RHPN2: variants seen among roughly 807,000 people sequenced by gnomAD.
RHPN2 encodes rhophilin-2.
A neutral mutation model predicts 79.0 loss-of-function variants in RHPN2; 40 were observed. The observed-to-expected ratio is 0.51, with a 90% CI of 0.39 to 0.66. The LOEUF (loss-of-function observed/expected upper bound fraction) is 0.66. RHPN2 is among the 30% of genes least tolerant of loss of function. The pLI is 0.00. For synonymous variants in RHPN2, 285 were observed against 363.5 expected (o/e 0.78, Z 2.46); for missense variants, 686 against 883.5 (o/e 0.78, Z 2.83).
chr19:32,983,512 C>CAA lies in RHPN2; in HGVS notation c.1801-3258_1801-3257dup, dbSNP rs765955793. Among the ~76,000 whole-genome samples the CAA allele has an allele frequency of 5.1e-5, 7 of 137,050 alleles. No homozygotes were observed. The East Asian group carries it at 6.5e-4, about 13-fold the overall frequency. 89.9% of individuals were successfully genotyped at this position (137,050 alleles called of 152,430 possible). Reference sequence around the variant, plus strand: ...CCTGGGTGACAGAACGAGACTGTCTCAAAAAAAAAAAAGTAAAGCCTTTCT... The same window carrying CAA: ...CCTGGGTGACAGAACGAGACTGTCTCAAAAAAAAAAAAAAGTAAAGCCTTTCT... On this transcript the variant is annotated intron_variant, in intron 14 of 14. Coordinates refer to ENST00000254260, the MANE Select transcript of RHPN2 (RefSeq NM_033103.5).
At chr19:32,995,143 G>A (rs940169299) in intron 11 of RHPN2, among the ~76,000 whole-genome samples, 1 of 152,108 alleles carries the variant, frequency 6.6e-6, no homozygotes, top group African/African-American at 2.4e-5. Flanking sequence ...TGGGATCACA[G>A]CTCGCTTGCA....
At chr19:32,988,189 C>A (rs1028772142) in intron 14 of RHPN2, among the ~76,000 whole-genome samples, 1 of 150,342 alleles carries the variant, frequency 6.7e-6, no homozygotes, top group Non-Finnish European at 1.5e-5. Flanking sequence ...CAGAGTGAGA[C>A]CCTGTCTCAA....
intron 4 of RHPN2, among the ~76,000 whole-genome samples, chr19:33,020,476 T>A (rs1306337240): frequency 6.6e-6 from 1 of 150,438 alleles, no homozygotes; most frequent in Non-Finnish European, 1.5e-5. Flanking sequence ...TACAGGCATA[T>A]GCCACTATGC....
intron 7 of RHPN2, among the ~76,000 whole-genome samples, chr19:33,003,260 A>G (rs1337721372): frequency 6.8e-6 from 1 of 146,068 alleles, no homozygotes; most frequent in South Asian, 2.3e-4. Context: ...CTGGAGGCTG[A>G]GGCAGGAGGA....
intron 6 of RHPN2, among the ~76,000 whole-genome samples, chr19:33,010,767 C>T (rs569043090): frequency 3.5e-4 from 52 of 149,656 alleles, no homozygotes; most frequent in African/African-American, 1.2e-3. Context: ...CTGCAACCTC[C>T]GCCTCCCGGG....
chr19:33,017,388 C>T (rs1366933263), intron 4 of RHPN2, among the ~76,000 whole-genome samples: 1 of 151,732 alleles, frequency 6.6e-6, no homozygotes, highest in Non-Finnish European at 1.5e-5. Flanking sequence ...AAAAAAAATG[C>T]TTACATTCTT....
At position 33,011,792 on chromosome 19, in the gene RHPN2, C is replaced by T. The variant is rs143511045; in HGVS notation, c.480G>A (p.Thr160=). Residue 160 remains threonine, a synonymous_variant, in exon 6 of 15, where the codon ACG becomes ACA. Coordinates refer to ENST00000254260, the MANE Select transcript of RHPN2 (RefSeq NM_033103.5). The part of the protein sequence containing the change: ...DLMDLRQACR[T]PSRDEAGVEL... ...CCACCCCGGCCTCATCCCGGCTAGGCGTCCGACAAGCCTGCAAGGAAAAGA... is the reference window on the plus strand; with the variant it reads ...CCACCCCGGCCTCATCCCGGCTAGGTGTCCGACAAGCCTGCAAGGAAAAGA... 26 of 1,613,806 alleles carry T rather than the reference C, an allele frequency of 1.6e-5. No individual in the cohort carries two copies. Among genetic ancestry groups the T allele is most frequent in the Middle Eastern group, 1.6e-4 (1 of 6,074 alleles).
At chr19:32,999,386 T>A (rs1157301634) in intron 10 of RHPN2, among the ~76,000 whole-genome samples, 200 bp downstream of exon 10, 1 of 152,098 alleles carries the variant, frequency 6.6e-6, no homozygotes, top group African/African-American at 2.4e-5. Context: ...CTGGGTGCTA[T>A]GGAACCCATG....
At position 32,979,391 on chromosome 19, in the gene RHPN2, T is replaced by C. The variant is rs1202451093; in HGVS notation, c.*605A>G. The C allele has an allele frequency of 6.5e-6, 1 of 153,154 alleles. No individual in the cohort carries two copies. Among genetic ancestry groups the C allele is most frequent in the African/African-American group, 2.4e-5 (1 of 41,468 alleles). The allele number at this position is 153,154 out of a possible 1,614,324, so 9.5% of individuals were successfully genotyped here. On this transcript the variant is annotated 3_prime_UTR_variant, in exon 15 of 15. Coordinates refer to ENST00000254260, the MANE Select transcript of RHPN2 (RefSeq NM_033103.5). ...AATGACATCAAACTAGAAGAAAAGC[T>C]GCTCCTACATTGTTTTTATTTAATA... is the stretch of plus-strand genomic sequence containing the variant.
chr19:33,027,721 A>G (rs1206062616), intron 2 of RHPN2, among the ~76,000 whole-genome samples: 1 of 152,076 alleles, frequency 6.6e-6, no homozygotes, highest in Non-Finnish European at 1.5e-5. Context: ...CTGAACATCA[A>G]TATAATATAA....
intron 10 of RHPN2, 111 bp downstream of exon 10, chr19:32,999,475 G>T: frequency 7.2e-7 from 1 of 1,391,118 alleles, no homozygotes; most frequent in Non-Finnish European, 9.9e-7. Context: ...ACGATGACTC[G>T]GAACACCCCC....
At position 33,021,620 on chromosome 19, in the gene RHPN2, G is replaced by A. The variant is rs1449666202; in HGVS notation, c.341C>T (p.Pro114Leu). ...TEEAFTIPLIPLGLKETKDVD... is the reference protein window; with the variant it reads ...TEEAFTIPLILLGLKETKDVD... ...GTCTTTCGTTTCCTTCAGGCCAAGA[G>A]GAATCAGGGGAATCGTAAATGCCTC... is the stretch of plus-strand genomic sequence containing the variant. The change falls in exon 4 of 15, where the codon CCT (proline) becomes CTT (leucine). Residue 114 changes from proline to leucine, a missense_variant. Transcript: ENST00000254260. 9 of 1,613,886 alleles carry A rather than the reference G, an allele frequency of 5.6e-6. No homozygotes were observed. Among genetic ancestry groups the A allele is most frequent in the Non-Finnish European group, 7.6e-6 (9 of 1,179,824 alleles).
intron 14 of RHPN2, among the ~76,000 whole-genome samples, chr19:32,986,077 TCA>T (rs1971611107): frequency 6.6e-6 from 1 of 152,234 alleles, no homozygotes; most frequent in African/African-American, 2.4e-5. Flanking sequence ...TTATGTAAAC[TCA>T]GTTTATCCTG....
intron 1 of RHPN2, among the ~76,000 whole-genome samples, chr19:33,050,478 A>G (rs1453977961): frequency 3.3e-5 from 5 of 151,950 alleles, no homozygotes; most frequent in Non-Finnish European, 7.4e-5. Context: ...CGTAACCATC[A>G]CTCCTATCAA....
In RHPN2 at chr19:33,012,717, A is replaced by T; in HGVS notation, c.398T>A (p.Ile133Asn). ...GCCATCTTCACTGTAATGTTCCAGG[A>T]TAAAATCCTTAAAGAAAAATGAGGT... ...VDFAVVLKDF[I>N]LEHYSEDGYL... is the part of the protein sequence containing the mutation. Residue 133 changes from isoleucine (I) to asparagine (N), a missense_variant, in exon 5 of 15, where the codon ATC becomes AAC. Transcript: ENST00000254260. 1 of 1,588,442 alleles carries T rather than the reference A, an allele frequency of 6.3e-7. No homozygotes were observed. The highest frequency in any genetic ancestry group is 8.6e-7 in the Non-Finnish European group (1 of 1,156,562).
intron 12 of RHPN2, 122 bp downstream of exon 12, chr19:32,993,855 G>A (rs1971679567): frequency 3.9e-6 from 3 of 771,568 alleles, no homozygotes; most frequent in Middle Eastern, 2.3e-4. Flanking sequence ...TATTTCTGCT[G>A]TCATAAGCCC....
chr19:33,000,803 G>A (rs965544161), intron 9 of RHPN2, among the ~76,000 whole-genome samples: 21 of 152,114 alleles, frequency 1.4e-4, no homozygotes, highest in African/African-American at 4.6e-4. Flanking sequence ...AGATGGAAAA[G>A]TTGAACTCAA....
At chr19:33,008,715 A>G (rs571193395) in intron 6 of RHPN2, among the ~76,000 whole-genome samples, 5 of 152,276 alleles carry the variant, frequency 3.3e-5, no homozygotes, top group African/African-American at 9.6e-5. Context: ...GGTTGCAGTG[A>G]GCTGAGATCG....
At chr19:33,022,369 A>C (rs1599821861) in intron 3 of RHPN2, among the ~76,000 whole-genome samples, 1 of 149,304 alleles carries the variant, frequency 6.7e-6, no homozygotes, top group South Asian at 2.1e-4. Context: ...TCAGCTCCTC[A>C]CCCCCACCTC....
Sources: gnomAD v4.1 joint callset for allele counts (sites outside exome capture counted in the v4.1 genomes callset) on GRCh38, gnomAD v4.1.1 for gene constraint, MANE v1.5 for transcripts, NCBI Gene and HGNC (gene_info 2026-07-23, HGNC 2026-07-21) for gene names.